Variants in ZNF257 observed in about 807,000 individuals in gnomAD.
The protein encoded by ZNF257 is zinc finger protein 257, also known as bone marrow zinc finger 4.
Under a neutral mutation model 11.9 loss-of-function variants are expected in ZNF257, and 12 were observed. The observed-to-expected ratio is 1.01, with a 90% confidence interval of 0.65 to 1.63. The LOEUF is 1.63. ZNF257 is among the 40% of genes most tolerant of loss of function. ZNF257 has a pLI of 0.00. For synonymous variants in ZNF257, 183 were observed against 222.7 expected, an observed-to-expected ratio of 0.82 and a Z score of 1.59; for missense variants, 580 against 665.5, an observed-to-expected ratio of 0.87 and a Z score of 1.41.
chr19:22,073,470 T>C lies in ZNF257; in HGVS notation c.132T>C (p.Gly44=). The part of the protein sequence containing the change: ...LENYRNLVFL[G]IAVSKPDLIT... ...GTGTTACTTATTTTTAAAAAACAGG[T>C]ATTGCTGTCTCTAAGCCAGACCTGA... The change falls in exon 3 of 4, where the codon GGT becomes GGC. Residue 44 remains glycine (G), a splice_region_variant and synonymous_variant. Coordinates refer to ENST00000594947, the MANE Select transcript of ZNF257 (RefSeq NM_033468.4). 6.2e-7 allele frequency: 1 copy of C among 1,605,880 alleles called. No individual in the cohort carries two copies. The highest frequency in any genetic ancestry group is 1.1e-5 in the South Asian group (1 of 89,440).
Position 22,072,877 on chromosome 19 carries a change from A to G in ZNF257, c.72A>G (p.Ala24=), listed in dbSNP as rs1568485019. ...SLEEWHCLDT[A]QQNLYRDVML... ...AGGAGTGGCATTGCCTGGACACTGC[A>G]CAGCAGAATTTATATAGGGATGTGA... The change falls in exon 2 of 4, where the codon GCA becomes GCG. Residue 24 remains alanine, a synonymous_variant. Coordinates refer to ENST00000594947, the MANE Select transcript of ZNF257 (RefSeq NM_033468.4). 1 of 1,613,416 alleles carries G rather than the reference A, an allele frequency of 6.2e-7. No individual in the cohort carries two copies. The highest frequency in any genetic ancestry group is 1.3e-5 in the African/African-American group (1 of 74,846).
intron 3 of ZNF257, among the ~76,000 whole-genome samples, chr19:22,074,734 C>T (rs10422796): frequency 0.097 from 14,684 of 151,946 alleles, 2,424 homozygotes; most frequent in African/African-American, 0.34. Flanking sequence ...TGTATGGAAC[C>T]ATAACTTGTA....
intron 3 of ZNF257, among the ~76,000 whole-genome samples, chr19:22,085,690 G>GCACACA (rs77765830): frequency 6.8e-6 from 1 of 147,972 alleles, no homozygotes. Context: ...ACACACACAT[G>GCACACA]CACACACACA....
At chr19:22,056,705 C>T (rs1345645570) in intron 1 of ZNF257, among the ~76,000 whole-genome samples, 2 of 152,004 alleles carry the variant, frequency 1.3e-5, no homozygotes, top group Non-Finnish European at 2.9e-5. Context: ...GTCTCAATCT[C>T]CTGACCTCGT....
At chr19:22,061,189 A>G (rs1431677562) in intron 1 of ZNF257, among the ~76,000 whole-genome samples, 1 of 152,040 alleles carries the variant, frequency 6.6e-6, no homozygotes, top group Admixed American at 6.5e-5. Flanking sequence ...TAGGAATAGT[A>G]TTAGATCTGT....
At chr19:22,069,093 G>A (rs1290548627) in intron 1 of ZNF257, among the ~76,000 whole-genome samples, 2 of 152,086 alleles carry the variant, frequency 1.3e-5, no homozygotes, top group Non-Finnish European at 2.9e-5. Context: ...GTACTTGGGA[G>A]GAAAAGAAGT....
At position 22,058,177 on chromosome 19, in the gene ZNF257, T is replaced by G. The variant is rs116220073; in HGVS notation, c.3+5542T>G. 5.5e-3 allele frequency among the ~76,000 whole-genome samples: 831 copies of G among 152,304 alleles called. 2 individuals carry two copies. Among genetic ancestry groups the G allele is most frequent in the African/African-American group, 0.018 (762 of 41,558 alleles). On this transcript the variant is annotated intron_variant, in intron 1 of 3. Coordinates refer to ENST00000594947, the MANE Select transcript of ZNF257 (RefSeq NM_033468.4). ...AGTTATAATGGAAAGGGTGTTTCTTTCCATGAACTGTTCCTGGAGCACACA... is the reference window on the plus strand; with the variant it reads ...AGTTATAATGGAAAGGGTGTTTCTTGCCATGAACTGTTCCTGGAGCACACA...
In ZNF257 at chr19:22,085,037, A is replaced by G. The variant is rs139530499; in HGVS notation, c.227-2940A>G. 4.0e-3 allele frequency among the ~76,000 whole-genome samples: 592 copies of G among 146,200 alleles called. 8 individuals are homozygous for G. The highest frequency in any genetic ancestry group is 0.014 in the African/African-American group (560 of 39,198). ...AGTCACCGTGCCTGGCCAAAGTTTT[A>G]GTTTTTTTTTTTGTTGTTGTTGTTT... On this transcript the variant is annotated intron_variant, in intron 3 of 3. Transcript: ENST00000594947.
intron 3 of ZNF257, among the ~76,000 whole-genome samples, chr19:22,077,850 A>G (rs1005157361): frequency 2.6e-5 from 4 of 152,094 alleles, no homozygotes; most frequent in African/African-American, 9.6e-5. Context: ...TAACATTTTA[A>G]AATAATGGCT....
intron 1 of ZNF257, among the ~76,000 whole-genome samples, chr19:22,053,145 C>T (rs1177081211): frequency 1.3e-5 from 2 of 151,910 alleles, no homozygotes; most frequent in African/African-American, 4.8e-5. Flanking sequence ...CCGAGGCAGG[C>T]GGATCACGAG....
chr19:22,085,041 T>C (rs547452391), intron 3 of ZNF257, among the ~76,000 whole-genome samples: 8 of 150,940 alleles, frequency 5.3e-5, no homozygotes, highest in African/African-American at 2.0e-4. Context: ...AGTTTTAGTT[T>C]TTTTTTTTGT....
At chr19:22,076,248 A>T (rs915361404) in intron 3 of ZNF257, among the ~76,000 whole-genome samples, 3 of 150,066 alleles carry the variant, frequency 2.0e-5, no homozygotes, top group African/African-American at 7.3e-5. Flanking sequence ...ATAGACTCCA[A>T]CCATATTCTG....
intron 3 of ZNF257, among the ~76,000 whole-genome samples, chr19:22,082,784 G>A (rs373099725): frequency 2.1e-4 from 32 of 151,972 alleles, no homozygotes; most frequent in Middle Eastern, 3.4e-3. Context: ...TTATATTTTT[G>A]TATTATATAT....
chr19:22,073,176 T>G (rs79717869), intron 2 of ZNF257, among the ~76,000 whole-genome samples: 4,837 of 152,154 alleles, frequency 0.032, 283 homozygotes, highest in African/African-American at 0.11. Flanking sequence ...CTGATCTGTA[T>G]CCCTCACTCT....
At chr19:22,087,878 C>A in intron 3 of ZNF257, 99 bp from the exon 4 acceptor site, 1 of 1,078,332 alleles carries the variant, frequency 9.3e-7, no homozygotes, top group East Asian at 2.8e-5. Flanking sequence ...GCTATGCCAT[C>A]TTCCTTATGT....
intron 1 of ZNF257, among the ~76,000 whole-genome samples, chr19:22,054,914 C>CTTTT (rs58547883): frequency 4.3e-4 from 48 of 110,596 alleles, no homozygotes; most frequent in Non-Finnish European, 6.5e-4. Context: ...GCTACTGGGT[C>CTTTT]TTTTTTTTTT....
intron 1 of ZNF257, among the ~76,000 whole-genome samples, chr19:22,068,061 G>T (rs2022002448): frequency 6.6e-6 from 1 of 151,448 alleles, no homozygotes; most frequent in Admixed American, 6.6e-5. Context: ...GTATAGTTGT[G>T]GTTATGACTC....
At chr19:22,087,899 G>A (rs1256638248) in intron 3 of ZNF257, 78 bp from the exon 4 acceptor site, 1 of 1,334,252 alleles carries the variant, frequency 7.5e-7, no homozygotes, top group Non-Finnish European at 9.9e-7. Context: ...AGTATATACA[G>A]TTTTATAGGT....
At position 22,089,688 on chromosome 19, in the gene ZNF257, T is replaced by A. The variant is rs2022584825; in HGVS notation, c.*246T>A. On this transcript the variant is annotated 3_prime_UTR_variant, in exon 4 of 4. Transcript: ENST00000594947. ...AACTCTTACTAAACATGAGAACACA[T>A]GTGGAAGATAAAGCCTACAAATATG... 2 of 943,344 alleles carry A rather than the reference T, an allele frequency of 2.1e-6. No homozygotes were observed. Among genetic ancestry groups the A allele is most frequent in the South Asian group, 3.9e-5 (2 of 50,648 alleles). 58.4% of individuals were successfully genotyped at this position (943,344 alleles called of 1,614,324 possible).
Sources: allele counts gnomAD v4.1 joint callset (sites outside exome capture counted in the v4.1 genomes callset), GRCh38; gene constraint gnomAD v4.1.1; transcripts MANE v1.5; gene names NCBI Gene and HGNC (gene_info 2026-07-23, HGNC 2026-07-21).